The following HDAC9 variants were observed in gnomAD, a reference collection of about 807,000 sequenced individuals.
The protein encoded by HDAC9 is MEF-2 interacting transcription repressor (MITR) protein.
A neutral mutation model predicts 139.4 loss-of-function variants in HDAC9; 41 were observed. That is an observed-to-expected ratio of 0.29 (90% CI 0.23 to 0.38). The LOEUF is 0.38. HDAC9 is among the 10% of genes least tolerant of loss of function. The probability of loss-of-function intolerance (pLI) is 1.00; values close to 1 mark genes in which losing one functional copy is unlikely to be tolerated. For missense variants in HDAC9, 1,147 were observed against 1,297.0 expected (o/e 0.88, Z 1.78); for synonymous variants, 517 against 476.2 (o/e 1.09, Z -1.12).
At chr7:18,857,335 T>TTGTG (rs375575248) in intron 21 of HDAC9, among the ~76,000 whole-genome samples, 8,844 of 140,816 alleles carry the variant, frequency 0.063, 335 homozygotes, top group South Asian at 0.12. Context: ...TATGTTTTAG[T>TTGTG]TGTGTGTGTG....
intron 2 of HDAC9, among the ~76,000 whole-genome samples, chr7:18,181,777 A>G (rs1178339): frequency 0.31 from 47,289 of 151,994 alleles, 8,654 homozygotes; most frequent in African/African-American, 0.51. Flanking sequence ...TCTTATTAGC[A>G]GATTCTTACA....
At chr7:18,728,547 A>G (rs1254452482) in intron 13 of HDAC9, among the ~76,000 whole-genome samples, 1 of 152,146 alleles carries the variant, frequency 6.6e-6, no homozygotes, top group Non-Finnish European at 1.5e-5. Context: ...CCGTGTTCTC[A>G]AACTGTGGCT....
intron 16 of HDAC9, among the ~76,000 whole-genome samples, chr7:18,791,295 ATTT>A (rs1277734521): frequency 1.3e-5 from 2 of 152,166 alleles, no homozygotes; most frequent in African/African-American, 2.4e-5. Context: ...TTTGGAATTT[ATTT>A]ATTTTATTTT....
chr7:18,356,017 A>G (rs1323761135), intron 1 of HDAC9, among the ~76,000 whole-genome samples: 1 of 152,178 alleles, frequency 6.6e-6, no homozygotes, highest in Non-Finnish European at 1.5e-5. Flanking sequence ...TCTGGTTTAA[A>G]TGAACTTTGA....
chr7:18,321,368 C>T (rs1199111027), intron 1 of HDAC9, among the ~76,000 whole-genome samples: 1 of 152,126 alleles, frequency 6.6e-6, no homozygotes, highest in African/African-American at 2.4e-5. Flanking sequence ...GTTTTTAATA[C>T]TTACCATATT....
At chr7:18,117,643 G>A (rs1784091709) in intron 1 of HDAC9, among the ~76,000 whole-genome samples, 1 of 152,180 alleles carries the variant, frequency 6.6e-6, no homozygotes, top group African/African-American at 2.4e-5. Context: ...AGAATGCTAA[G>A]GATTGCCTGC....
At chr7:18,565,615 A>T (rs1822054155) in intron 2 of HDAC9, among the ~76,000 whole-genome samples, 1 of 152,112 alleles carries the variant, frequency 6.6e-6, no homozygotes, top group Admixed American at 6.6e-5. Flanking sequence ...CATATTTTGG[A>T]CAGTGTAGGG....
intron 2 of HDAC9, among the ~76,000 whole-genome samples, chr7:18,520,596 TC>T (rs768776852): frequency 3.3e-5 from 5 of 152,158 alleles, no homozygotes; most frequent in Non-Finnish European, 7.4e-5. Flanking sequence ...AATATGATTT[TC>T]GAATTGATGT....
At chr7:18,217,972 AG>A (rs1483227523) in intron 2 of HDAC9, among the ~76,000 whole-genome samples, 2 of 152,124 alleles carry the variant, frequency 1.3e-5, no homozygotes, top group Non-Finnish European at 2.9e-5. Context: ...ATGGGGCTGG[AG>A]GACCCATTTC....
At chr7:18,090,619 T>A (rs1481557940) in intron 1 of HDAC9, among the ~76,000 whole-genome samples, 1 of 152,198 alleles carries the variant, frequency 6.6e-6, no homozygotes, top group Non-Finnish European at 1.5e-5. Flanking sequence ...GCAAGAAAAG[T>A]CAGAACCTGA....
intron 13 of HDAC9, among the ~76,000 whole-genome samples, chr7:18,739,976 G>A (rs1787295581): frequency 6.6e-6 from 1 of 152,190 alleles, no homozygotes; most frequent in South Asian, 2.1e-4. Context: ...CTCAGCAATG[G>A]CAGACACCCC....
At chr7:18,440,857 C>A (rs1791689693) in intron 1 of HDAC9, among the ~76,000 whole-genome samples, 1 of 152,130 alleles carries the variant, frequency 6.6e-6, no homozygotes, top group Non-Finnish European at 1.5e-5. Flanking sequence ...TGTCTTCAAA[C>A]CTTGATGATC....
chr7:18,339,031 C>A (rs910638234), intron 1 of HDAC9, among the ~76,000 whole-genome samples: 5 of 151,392 alleles, frequency 3.3e-5, no homozygotes, highest in Admixed American at 2.0e-4. Context: ...TGTAAGTTTT[C>A]AAATGTATAG....
chr7:18,673,642 A>T (rs1401840834), intron 12 of HDAC9, among the ~76,000 whole-genome samples: 2 of 151,990 alleles, frequency 1.3e-5, no homozygotes, highest in Admixed American at 1.3e-4. Context: ...TGACTCACAT[A>T]TTTTTATTTG....
At chr7:18,127,941 T>C (rs1784773475) in intron 1 of HDAC9, among the ~76,000 whole-genome samples, 2 of 152,156 alleles carry the variant, frequency 1.3e-5, no homozygotes, top group Non-Finnish European at 2.9e-5. Context: ...TTCAAAGAAT[T>C]AGTAGATGAT....
At chr7:18,973,725 G>A (rs977118593) in intron 24 of HDAC9, among the ~76,000 whole-genome samples, 2 of 152,292 alleles carry the variant, frequency 1.3e-5, no homozygotes, top group African/African-American at 2.4e-5. Flanking sequence ...ATGTAGGGTA[G>A]GCCAAAGATA....
intron 12 of HDAC9, among the ~76,000 whole-genome samples, chr7:18,714,481 T>G (rs1377803679): frequency 6.6e-6 from 1 of 152,150 alleles, no homozygotes; most frequent in African/African-American, 2.4e-5. Context: ...AGAATCTCCA[T>G]AACCAGCAGT....
intron 2 of HDAC9, among the ~76,000 whole-genome samples, chr7:18,261,607 T>C (rs1383571802): frequency 6.6e-6 from 1 of 152,204 alleles, no homozygotes; most frequent in Non-Finnish European, 1.5e-5. Flanking sequence ...AGAAGTGAGA[T>C]GCAATATAAA....
At chr7:18,505,302 A>G (rs1407813926) in intron 2 of HDAC9, among the ~76,000 whole-genome samples, 1 of 152,132 alleles carries the variant, frequency 6.6e-6, no homozygotes, top group Non-Finnish European at 1.5e-5. Flanking sequence ...ATTTTTTTTG[A>G]AATGTTAGCA....
Sources: allele counts gnomAD v4.1 joint callset (sites outside exome capture counted in the v4.1 genomes callset), GRCh38; gene constraint gnomAD v4.1.1; transcripts MANE v1.5; gene names NCBI Gene and HGNC (gene_info 2026-07-23, HGNC 2026-07-21).